Variants in ULK4 observed in about 807,000 individuals in gnomAD.
ULK4 encodes inactive serine/threonine-protein kinase ULK4.
A neutral mutation model predicts 160.6 loss-of-function variants in ULK4; 133 were observed. That is an observed-to-expected ratio of 0.83 (90% CI 0.72 to 0.96). The LOEUF is 0.96. Among genes scored for constraint, ULK4 ranks in the 40% least tolerant of loss-of-function variants. The probability of loss-of-function intolerance (pLI) is 0.00; values close to 1 mark genes in which losing one functional copy is unlikely to be tolerated. For synonymous variants in ULK4, 534 were observed against 539.8 expected (o/e 0.99, Z 0.15); for missense variants, 1,580 against 1,499.5 (o/e 1.05, Z -0.89).
rs1251997989 is a variant in ULK4 at position 41,306,473 on chromosome 3, TGG to T, written c.3679-56901_3679-56900del. Among the ~76,000 whole-genome samples, 6 of 104,662 alleles carry T rather than the reference TGG, an allele frequency of 5.7e-5. No individual in the cohort carries two copies. In the South Asian group the frequency reaches 1.4e-3, roughly 24 times the overall value. The allele number at this position is 104,662 out of a possible 152,430, so 68.7% of individuals were successfully genotyped here. A position where few individuals can be genotyped will look rare whatever the true frequency, so the allele number is the denominator to read the frequency against. On this transcript the variant is annotated intron_variant, in intron 35 of 36. Coordinates refer to ENST00000301831, the MANE Select transcript of ULK4 (RefSeq NM_017886.4). Reference sequence around the variant, plus strand: ...CCAGTGGCCCCATCTGGGAGGGAGGTGGGGGGGTCAGCCCCCCGCCCGGCCAG... The same window carrying T: ...CCAGTGGCCCCATCTGGGAGGGAGGTGGGGGTCAGCCCCCCGCCCGGCCAG...
intron 20 of ULK4, among the ~76,000 whole-genome samples, chr3:41,796,280 T>C (rs1024633229): frequency 6.6e-6 from 1 of 151,666 alleles, no homozygotes; most frequent in Non-Finnish European, 1.5e-5. Context: ...CTGAGAAGAG[T>C]TCTACAAACA....
intron 35 of ULK4, among the ~76,000 whole-genome samples, chr3:41,318,138 TA>T (rs11429605): frequency 2.7e-5 from 4 of 146,952 alleles, no homozygotes; most frequent in Admixed American, 1.4e-4. Context: ...AAATTATAGT[TA>T]AAAAAAAATA....
intron 32 of ULK4, among the ~76,000 whole-genome samples, chr3:41,506,149 C>T (rs934990497): frequency 6.6e-6 from 1 of 152,124 alleles, no homozygotes; most frequent in Admixed American, 6.5e-5. Flanking sequence ...TCACAAGGTA[C>T]ATTAACACTT....
intron 22 of ULK4, among the ~76,000 whole-genome samples, chr3:41,721,287 G>GTTTT (rs1559507507): frequency 2.0e-4 from 14 of 68,838 alleles, no homozygotes; most frequent in African/African-American, 6.1e-4. Flanking sequence ...TTTTTTTTGG[G>GTTTT]TTTTGAACCA....
intron 35 of ULK4, among the ~76,000 whole-genome samples, chr3:41,289,330 C>T (rs146140972): frequency 4.1e-4 from 62 of 152,192 alleles, no homozygotes; most frequent in East Asian, 3.1e-3. Context: ...CACAGTGCAC[C>T]GAAAGGACTG....
intron 33 of ULK4, among the ~76,000 whole-genome samples, chr3:41,459,408 T>G (rs1394038204): frequency 1.3e-5 from 2 of 152,092 alleles, no homozygotes; most frequent in African/African-American, 4.8e-5. Flanking sequence ...TAGCACACAG[T>G]GGAGCATAAC....
chr3:41,574,056 C>A (rs2088095730), intron 31 of ULK4, among the ~76,000 whole-genome samples: 1 of 140,688 alleles, frequency 7.1e-6, no homozygotes, highest in Non-Finnish European at 1.5e-5. Flanking sequence ...GTGGCGCATG[C>A]CTATAATCCC....
intron 32 of ULK4, among the ~76,000 whole-genome samples, chr3:41,551,479 C>T (rs983799686): frequency 2.0e-5 from 3 of 151,770 alleles, no homozygotes; most frequent in Non-Finnish European, 3.0e-5. Context: ...TCATCAGAGA[C>T]GATTATGAGC....
At chr3:41,951,222 A>G (rs1222019321) in intron 2 of ULK4, among the ~76,000 whole-genome samples, 1 of 151,384 alleles carries the variant, frequency 6.6e-6, no homozygotes, top group Non-Finnish European at 1.5e-5. Flanking sequence ...GGCAATTTTC[A>G]GATATTAATA....
chr3:41,780,237 G>C (rs920410210), intron 21 of ULK4, among the ~76,000 whole-genome samples: 1 of 151,996 alleles, frequency 6.6e-6, no homozygotes, highest in Non-Finnish European at 1.5e-5. Context: ...GAGCCCAGGA[G>C]GCAGCGGTTT....
chr3:41,540,732 A>G (rs2086666850), intron 32 of ULK4, among the ~76,000 whole-genome samples: 1 of 152,180 alleles, frequency 6.6e-6, no homozygotes, highest in Non-Finnish European at 1.5e-5. Context: ...TCACCATTCT[A>G]ACTGGTGTAA....
At chr3:41,471,741 T>C (rs1400693067) in intron 32 of ULK4, among the ~76,000 whole-genome samples, 3 of 151,848 alleles carry the variant, frequency 2.0e-5, no homozygotes, top group Non-Finnish European at 2.9e-5. Context: ...AAAAACAACA[T>C]GTTCCTGAAC....
At chr3:41,953,851 C>T (rs935921860) in intron 2 of ULK4, among the ~76,000 whole-genome samples, 21 of 152,054 alleles carry the variant, frequency 1.4e-4, no homozygotes, top group Non-Finnish European at 1.8e-4. Context: ...AGTTTGAGAC[C>T]AGCCTGGGCA....
In ULK4 at chr3:41,794,686, A is replaced by AAAAAAAAAAAAAAAC. The variant is rs1553654814; in HGVS notation, c.2011-4844_2011-4843insGTTTTTTTTTTTTTT. 4.0e-4 allele frequency among the ~76,000 whole-genome samples: 45 copies of AAAAAAAAAAAAAAAC among 112,422 alleles called. 1 individual carries two copies. The highest frequency in any genetic ancestry group is 1.3e-3 in the African/African-American group (31 of 24,160). The allele number at this position is 112,422 out of a possible 152,430, so 73.8% of individuals were successfully genotyped here. Reference sequence around the variant, plus strand: ...AAAAAAAAAAAAAAAAAAAAAAAAAACACAGAAAAAAAAACCACAAACCTG... The same window carrying AAAAAAAAAAAAAAAC: ...AAAAAAAAAAAAAAAAAAAAAAAAAAAAAAAAAAAAAAAACCACAGAAAAAAAAACCACAAACCTG... On this transcript the variant is annotated intron_variant, in intron 20 of 36. Transcript: ENST00000301831.
In ULK4 at chr3:41,643,706, C is replaced by A. The variant is rs557713515; in HGVS notation, c.3071+19901G>T. On this transcript the variant is annotated intron_variant, in intron 30 of 36. Transcript: ENST00000301831. ...TTTTGGTTCCATATGAACTTGAAAG[C>A]AGTTTTTTCCAGTTCTGTGAAGAAA... Among the ~76,000 whole-genome samples, 8 of 152,064 alleles carry A rather than the reference C, an allele frequency of 5.3e-5. No homozygotes were observed. In the East Asian group the frequency reaches 1.6e-3, roughly 29 times the overall value.
intron 32 of ULK4, among the ~76,000 whole-genome samples, chr3:41,471,846 G>A (rs994713360): frequency 6.6e-6 from 1 of 150,936 alleles, no homozygotes; most frequent in African/African-American, 2.4e-5. Flanking sequence ...ACAGGATACA[G>A]CAAAAGCAGT....
At chr3:41,294,792 T>G (rs1671459344) in intron 35 of ULK4, among the ~76,000 whole-genome samples, 1 of 152,060 alleles carries the variant, frequency 6.6e-6, no homozygotes, top group Non-Finnish European at 1.5e-5. Context: ...TGAATGAAAT[T>G]TAAAAAAACC....
At chr3:41,451,591 C>T (rs1026883070) in intron 34 of ULK4, among the ~76,000 whole-genome samples, 4 of 152,060 alleles carry the variant, frequency 2.6e-5, no homozygotes, top group Non-Finnish European at 4.4e-5. Flanking sequence ...CAGAACCAGA[C>T]ATTCAGTCTT....
At chr3:41,720,261 T>C (rs2037405553) in intron 22 of ULK4, among the ~76,000 whole-genome samples, 1 of 152,230 alleles carries the variant, frequency 6.6e-6, no homozygotes. Context: ...AAGTGTTCAA[T>C]ACATATTAGC....
Sources: allele counts gnomAD v4.1 joint callset (sites outside exome capture counted in the v4.1 genomes callset), GRCh38; gene constraint gnomAD v4.1.1; transcripts MANE v1.5; gene names NCBI Gene and HGNC (gene_info 2026-07-23, HGNC 2026-07-21).